Variants in STRN3 observed in about 807,000 individuals in gnomAD.
The protein encoded by STRN3 is striatin 3.
In STRN3, 29 loss-of-function variants were observed where a neutral mutation model predicts 95.6. The observed-to-expected ratio is 0.30, with a 90% confidence interval of 0.23 to 0.41. The LOEUF (loss-of-function observed/expected upper bound fraction) is 0.41. Ranked by LOEUF, STRN3 falls within the 10% of genes least tolerant of loss-of-function variation. STRN3 has a pLI of 1.00. For missense variants in STRN3, 890 were observed against 972.1 expected (o/e 0.92, Z 1.12); for synonymous variants, 331 against 357.6 (o/e 0.93, Z 0.84).
At chr14:31,024,396 T>C (rs187484581) in intron 1 of STRN3, among the ~76,000 whole-genome samples, 9 of 152,346 alleles carry the variant, frequency 5.9e-5, no homozygotes, top group Admixed American at 3.9e-4. Flanking sequence ...AACAGAATTC[T>C]ATAAATTTTA....
At chr14:30,961,910 T>C (rs1406400977) in intron 1 of STRN3, among the ~76,000 whole-genome samples, 1 of 152,276 alleles carries the variant, frequency 6.6e-6, no homozygotes. Context: ...CCTGGTTCTA[T>C]CGTTATTTTA....
At chr14:30,993,471 A>G (rs1681937474) in intron 1 of STRN3, among the ~76,000 whole-genome samples, 1 of 152,228 alleles carries the variant, frequency 6.6e-6, no homozygotes, top group Non-Finnish European at 1.5e-5. Flanking sequence ...ATTTGCAGTT[A>G]AACACATTCA....
chr14:30,901,810 G>A (rs1896323107), intron 16 of STRN3, among the ~76,000 whole-genome samples: 2 of 152,122 alleles, frequency 1.3e-5, no homozygotes, highest in South Asian at 4.1e-4. Flanking sequence ...AAGAAATACA[G>A]GGAAGATGAT....
chr14:30,935,359 C>A, intron 6 of STRN3, 55 bp from the exon 7 acceptor site: 1 of 1,561,932 alleles, frequency 6.4e-7, no homozygotes, highest in Non-Finnish European at 8.7e-7. Flanking sequence ...AAAAGGGATG[C>A]TTTAATATTG....
At position 30,947,150 on chromosome 14, in the gene STRN3, T is replaced by G. The variant is rs987432295; in HGVS notation, c.656A>C (p.Asn219Thr). Residue 219 changes from asparagine to threonine, a missense_variant, in exon 5 of 18, where the codon AAT becomes ACT. Around this residue, in one of 3 missense-constraint regions of STRN3, gnomAD observed 526 missense variants for 526.3 expected, o/e 1.00. Transcript: ENST00000357479. ...ACCTCCATTCAGGATCTGTTCTAAA[T>G]TCTTTGTTTCTACTGATCCATTTGG... is the stretch of plus-strand genomic sequence containing the variant. ...SEPNGSVETKNLEQILNGGES... is the reference protein window; with the variant it reads ...SEPNGSVETKTLEQILNGGES... The G allele has an allele frequency of 1.9e-6, 3 of 1,612,460 alleles. No individual in the cohort carries two copies. Among genetic ancestry groups the G allele is most frequent in the African/African-American group, 1.3e-5 (1 of 74,838 alleles).
chr14:30,951,995 G>A (rs1312211007), intron 3 of STRN3, among the ~76,000 whole-genome samples: 2 of 152,072 alleles, frequency 1.3e-5, no homozygotes, highest in Non-Finnish European at 2.9e-5. Context: ...GCACATGCCT[G>A]TAATCCCAGC....
intron 5 of STRN3, 36 bp downstream of exon 5, chr14:30,947,054 A>G: frequency 7.0e-7 from 1 of 1,434,750 alleles, no homozygotes; most frequent in Non-Finnish European, 9.3e-7. Flanking sequence ...TATCCATAAT[A>G]TCCATTATAT....
intron 1 of STRN3, among the ~76,000 whole-genome samples, chr14:30,982,165 A>C (rs1881443519): frequency 6.6e-6 from 1 of 151,838 alleles, no homozygotes; most frequent in Non-Finnish European, 1.5e-5. Context: ...TAGGATGTCC[A>C]AAAGCAAATA....
intron 5 of STRN3, among the ~76,000 whole-genome samples, chr14:30,943,939 T>C (rs1879215652): frequency 6.6e-6 from 1 of 151,906 alleles, no homozygotes; most frequent in African/African-American, 2.4e-5. Context: ...GATGAAAAAG[T>C]TCCAGAGAGT....
At chr14:30,930,025 G>C (rs1177218194) in intron 7 of STRN3, among the ~76,000 whole-genome samples, 1 of 130,226 alleles carries the variant, frequency 7.7e-6, no homozygotes, top group Non-Finnish European at 1.6e-5. Context: ...TTTTTTTCAG[G>C]ATAAAACTAG....
chr14:30,914,405 T>C (rs536048952), intron 9 of STRN3, among the ~76,000 whole-genome samples: 1 of 152,248 alleles, frequency 6.6e-6, no homozygotes, highest in African/African-American at 2.4e-5. Flanking sequence ...CAGGCTGGAG[T>C]GCAGTGGTGC....
intron 8 of STRN3, 123 bp downstream of exon 8, chr14:30,929,078 A>G (rs1878342156): frequency 1.5e-6 from 1 of 657,230 alleles, no homozygotes; most frequent in Non-Finnish European, 2.5e-6. Flanking sequence ...CAACAGACAA[A>G]GTTTAAAGTT....
chr14:30,922,943 G>C (rs1896921789), intron 8 of STRN3, among the ~76,000 whole-genome samples: 1 of 152,102 alleles, frequency 6.6e-6, no homozygotes, highest in Non-Finnish European at 1.5e-5. Flanking sequence ...CGAGTTAAAG[G>C]ACATGAATGT....
Position 30,965,557 on chromosome 14 carries a change from C to T in STRN3, c.283-9315G>A, listed in dbSNP as rs533687852. ...AAAAGAGGCCAGGAGCGATGGCTCA[C>T]GCCTGTAATCCCAGCACTTTGGGAG... On this transcript the variant is annotated intron_variant, in intron 1 of 17. Coordinates refer to ENST00000357479, the MANE Select transcript of STRN3 (RefSeq NM_001083893.2). 5.3e-5 allele frequency among the ~76,000 whole-genome samples: 8 copies of T among 152,006 alleles called. No individual in the cohort carries two copies. In the South Asian group the frequency reaches 6.2e-4, roughly 12 times the overall value.
intron 1 of STRN3, among the ~76,000 whole-genome samples, chr14:31,023,896 A>C (rs1006146700): frequency 6.6e-6 from 1 of 152,092 alleles, no homozygotes; most frequent in Non-Finnish European, 1.5e-5. Flanking sequence ...TGAAATAAAA[A>C]AGAGTCTAGA....
At chr14:30,904,419 C>A (rs1173921652) in intron 15 of STRN3, among the ~76,000 whole-genome samples, 1 of 152,074 alleles carries the variant, frequency 6.6e-6, no homozygotes, top group African/African-American at 2.4e-5. Context: ...ATGATGATAC[C>A]AAAAACACCA....
At chr14:30,960,868 CAAAAAAA>C (rs56227331) in intron 1 of STRN3, among the ~76,000 whole-genome samples, 14 of 47,636 alleles carry the variant, frequency 2.9e-4, no homozygotes, top group African/African-American at 9.1e-4. Flanking sequence ...GACTCCATCT[CAAAAAAA>C]AAAAAAAAAA....
intron 1 of STRN3, among the ~76,000 whole-genome samples, chr14:30,965,346 T>C (rs568705416): frequency 6.6e-6 from 1 of 152,320 alleles, no homozygotes; most frequent in South Asian, 2.1e-4. Flanking sequence ...GAGTCCTATT[T>C]ACCCCAGTTA....
At chr14:30,947,459 T>C (rs772156558) in intron 4 of STRN3, among the ~76,000 whole-genome samples, 196 bp from the exon 5 acceptor site, 6 of 152,148 alleles carry the variant, frequency 3.9e-5, no homozygotes, top group Non-Finnish European at 8.8e-5. Flanking sequence ...TTAAAAAGCA[T>C]ATAGTATGGT....
Sources: gnomAD v4.1 joint callset for allele counts (sites outside exome capture counted in the v4.1 genomes callset) on GRCh38, gnomAD v4.1.1 for gene constraint, gnomAD v4.1.1 regional missense constraint, MANE v1.5 for transcripts, NCBI Gene and HGNC (gene_info 2026-07-23, HGNC 2026-07-21) for gene names.